The following NCOR1 variants were observed in gnomAD, a reference collection of about 807,000 sequenced individuals.
NCOR1 encodes protein phosphatase 1, regulatory subunit 109.
Under a neutral mutation model 288.1 loss-of-function variants are expected in NCOR1, and 63 were observed. That is an observed-to-expected ratio of 0.22 (90% CI 0.18 to 0.27). NCOR1 has a LOEUF of 0.27. NCOR1 is among the 10% of genes least tolerant of loss of function. The probability of loss-of-function intolerance (pLI) is 1.00; values close to 1 mark genes in which losing one functional copy is unlikely to be tolerated. For missense variants in NCOR1, 2,397 were observed against 3,019.2 expected, an observed-to-expected ratio of 0.79 and a Z score of 4.83; for synonymous variants, 1,007 against 1,065.9, an observed-to-expected ratio of 0.94 and a Z score of 1.08.
At chr17:16,163,897 A>G (rs80332471) in intron 5 of NCOR1, among the ~76,000 whole-genome samples, 1 of 152,220 alleles carries the variant, frequency 6.6e-6, no homozygotes, top group Non-Finnish European at 1.5e-5. Context: ...GCCAAACACA[A>G]AAGGTCACAT....
intron 10 of NCOR1, among the ~76,000 whole-genome samples, chr17:16,145,989 AC>A (rs1189444185): frequency 2.0e-5 from 3 of 152,216 alleles, no homozygotes; most frequent in Admixed American, 6.5e-5. Context: ...TTAATCTATA[AC>A]CTTACCCCCA....
chr17:16,127,876 A>C (rs892056989), intron 14 of NCOR1, among the ~76,000 whole-genome samples: 19 of 151,614 alleles, frequency 1.3e-4, no homozygotes, highest in Admixed American at 1.1e-3. Context: ...TTAAGAGACA[A>C]CATCTCACTC....
chr17:16,102,669 C>T (rs1462558142), intron 19 of NCOR1, among the ~76,000 whole-genome samples: 1 of 152,032 alleles, frequency 6.6e-6, no homozygotes. Context: ...TCTTGGCTCA[C>T]TGCAGCCTCC....
At chr17:16,071,764 T>A in intron 29 of NCOR1, 99 bp from the exon 30 acceptor site, 1 of 1,116,292 alleles carries the variant, frequency 9.0e-7, no homozygotes, top group Middle Eastern at 3.0e-4. Context: ...GTAAATTTTG[T>A]TACATATATT....
chr17:16,058,634 C>A, intron 37 of NCOR1, 35 bp from the exon 38 acceptor site: 2 of 1,578,746 alleles, frequency 1.3e-6, no homozygotes, highest in East Asian at 2.3e-5. Context: ...CAAAACTAAT[C>A]CCAGGAAAAG....
Position 16,047,056 on chromosome 17 carries a change from G to C in NCOR1, c.6574C>G (p.Pro2192Ala). ...ARSPGSISYL[P>A]SFFTKLENTS... ...TTTTCAAGCTTGGTGAAGAATGAAG[G>C]CAAGTAGCTTATACTCCCTGGTGAG... Residue 2192 changes from proline to alanine, a missense_variant, in exon 42 of 46, where the codon CCT becomes GCT. By Grantham distance (27) the Pro-to-Ala change is conservative. Transcript: ENST00000268712. 1 of 1,613,686 alleles carries C rather than the reference G, an allele frequency of 6.2e-7. No individual in the cohort carries two copies.
Position 16,032,064 on chromosome 17 carries a change from AT to A in NCOR1, c.*231del. The stretch of plus-strand genomic sequence containing the variant: ...AAACTCTACATCTCAACCCTCCACT[AT>A]TATTATAGTCCACTGAATTGCCTGT... On this transcript the variant is annotated 3_prime_UTR_variant, in exon 46 of 46. Coordinates refer to ENST00000268712, the MANE Select transcript of NCOR1 (RefSeq NM_006311.4). The A allele has an allele frequency of 2.1e-6, 1 of 483,662 alleles. No homozygotes were observed. Among genetic ancestry groups the A allele is most frequent in the Non-Finnish European group, 3.6e-6 (1 of 276,784 alleles). 30.0% of individuals were successfully genotyped at this position (483,662 alleles called of 1,614,324 possible).
At chr17:16,113,156 C>T (rs2070700287) in intron 18 of NCOR1, among the ~76,000 whole-genome samples, 1 of 151,858 alleles carries the variant, frequency 6.6e-6, no homozygotes, top group Admixed American at 6.6e-5. Context: ...ACCTTGTGTT[C>T]TGCCCTCCTC....
At chr17:16,057,387 T>C (rs1341086955) in intron 40 of NCOR1, 127 bp downstream of exon 40, 7 of 921,882 alleles carry the variant, frequency 7.6e-6, no homozygotes, top group Admixed American at 2.3e-5. Flanking sequence ...AGAAAGCTCA[T>C]TTACACTTTC....
chr17:16,065,512 G>C lies in NCOR1; in HGVS notation c.4924C>G (p.Leu1642Val). Residue 1642 changes from leucine to valine, a missense_variant, in exon 33 of 46, where the codon CTG becomes GTG. By Grantham distance (32) the Leu-to-Val change is conservative (BLOSUM62 1). Around this residue, in one of 11 missense-constraint regions of NCOR1, gnomAD observed 1,872 missense variants for 2,187.8 expected, o/e 0.86. Coordinates refer to ENST00000268712, the MANE Select transcript of NCOR1 (RefSeq NM_006311.4). ...ARGLSPREQP[L>V]GLPYPATRGI... ...CTCGTTGCTGGGTATGGGAGACCCA[G>C]TGGCTGCTCTCTTGGGGAGAGTCCT... is the stretch of plus-strand genomic sequence containing the variant. 1 of 1,614,224 alleles carries C rather than the reference G, an allele frequency of 6.2e-7. No individual in the cohort carries two copies. The highest frequency in any genetic ancestry group is 8.5e-7 in the Non-Finnish European group (1 of 1,180,048).
chr17:16,127,288 T>TGC (rs2074385507), intron 14 of NCOR1, among the ~76,000 whole-genome samples: 3 of 123,722 alleles, frequency 2.4e-5, no homozygotes, highest in African/African-American at 6.6e-5. Flanking sequence ...TATACGTGTA[T>TGC]ATATGTATGT....
intron 33 of NCOR1, 125 bp downstream of exon 33, chr17:16,065,360 G>A (rs2061002343): frequency 5.4e-6 from 6 of 1,114,752 alleles, no homozygotes; most frequent in Non-Finnish European, 7.7e-6. Flanking sequence ...TCTACGGGAG[G>A]AAGGATATAG....
At chr17:16,056,891 T>C (rs970594219) in intron 40 of NCOR1, 2 of 151,054 alleles carry the variant, frequency 1.3e-5, no homozygotes, top group Admixed American at 1.3e-4. Context: ...TGTGTATCTA[T>C]ACATACATAT....
chr17:16,209,321 C>A (rs2091896506), intron 1 of NCOR1, among the ~76,000 whole-genome samples: 3 of 151,970 alleles, frequency 2.0e-5, no homozygotes, highest in African/African-American at 7.3e-5. Flanking sequence ...ACAAAAAATT[C>A]TTCTTAATGC....
chr17:16,100,903 A>G (rs1044881784), intron 20 of NCOR1, among the ~76,000 whole-genome samples: 2 of 152,204 alleles, frequency 1.3e-5, no homozygotes, highest in Non-Finnish European at 2.9e-5. Flanking sequence ...CAATGCCTCT[A>G]GCCTCCACCT....
intron 26 of NCOR1, among the ~76,000 whole-genome samples, chr17:16,079,300 T>C (rs1198718099): frequency 6.6e-6 from 1 of 152,146 alleles, no homozygotes; most frequent in Non-Finnish European, 1.5e-5. Flanking sequence ...ACTAGACAAA[T>C]AAAAAACTTG....
Position 16,065,247 on chromosome 17 carries a change from T to C in NCOR1, c.4952-228A>G, listed in dbSNP as rs1053330729. Reference sequence around the variant, plus strand: ...TATGGGCAGATTAAAGAGAGCAAATTTGTAAGCCATGGATTACAAATACTC... The same window carrying C: ...TATGGGCAGATTAAAGAGAGCAAATCTGTAAGCCATGGATTACAAATACTC... On this transcript the variant is annotated intron_variant, in intron 33 of 45. Coordinates refer to ENST00000268712, the MANE Select transcript of NCOR1 (RefSeq NM_006311.4). Among the ~76,000 whole-genome samples the C allele has an allele frequency of 2.0e-5, 3 of 152,186 alleles. No individual in the cohort carries two copies. In the South Asian group the frequency reaches 6.2e-4, roughly 32 times the overall value.
intron 21 of NCOR1, among the ~76,000 whole-genome samples, chr17:16,095,542 G>T (rs2066360856): frequency 1.5e-5 from 2 of 132,952 alleles, no homozygotes; most frequent in Admixed American, 7.4e-5. Flanking sequence ...GGAGGTTGGG[G>T]GGTCAGCCCC....
rs753885065 is a variant in NCOR1 at position 16,071,450 on chromosome 17, C to T, written c.4111G>A (p.Val1371Ile). The T allele has an allele frequency of 1.9e-6, 3 of 1,614,174 alleles. No homozygotes were observed. The South Asian group carries it at 3.3e-5, about 18-fold the overall frequency. ...TQESRKTPEV[V>I]QSTRPIIEGS... ...TCAATTATCGGCCGTGTGCTCTGGACCACTTCTGGAGTTTTCCGACTTTCC... is the reference window on the plus strand; with the variant it reads ...TCAATTATCGGCCGTGTGCTCTGGATCACTTCTGGAGTTTTCCGACTTTCC... The change falls in exon 30 of 46, where the codon GTC becomes ATC. Residue 1371 changes from valine (V) to isoleucine (I), a missense_variant. Physicochemically the swap from Val to Ile is conservative, Grantham distance 29. Coordinates refer to ENST00000268712, the MANE Select transcript of NCOR1 (RefSeq NM_006311.4).
Sources: allele counts gnomAD v4.1 joint callset (sites outside exome capture counted in the v4.1 genomes callset), GRCh38; gene constraint gnomAD v4.1.1; regional missense constraint gnomAD v4.1.1; transcripts MANE v1.5; gene names NCBI Gene and HGNC (gene_info 2026-07-23, HGNC 2026-07-21).